VAC14: variants seen among roughly 807,000 people sequenced by gnomAD.
VAC14 encodes protein VAC14 homolog.
VAC14 carries 47 observed loss-of-function variants against 85.3 expected under a neutral mutation model. The ratio of observed to expected loss-of-function variants is 0.55; its 90% CI spans 0.44 to 0.70. VAC14 has a LOEUF of 0.70. Ranked by LOEUF, VAC14 falls within the 30% of genes least tolerant of loss-of-function variation. The pLI is 0.00. For synonymous variants in VAC14, 447 were observed against 430.5 expected (o/e 1.04, Z -0.47); for missense variants, 861 against 1,004.3 (o/e 0.86, Z 1.93).
intron 18 of VAC14, chr16:70,689,168 C>T (rs2053553451): frequency 1.0e-6 from 1 of 976,366 alleles, no homozygotes; most frequent in Non-Finnish European, 1.2e-6. Context: ...GAGCATGTGA[C>T]TGTTTCCTCA....
Position 70,703,211 on chromosome 16 carries a change from G to C in VAC14, c.1662-4400C>G, listed in dbSNP as rs553849218. On this transcript the variant is annotated intron_variant, in intron 14 of 18. Transcript: ENST00000261776. ...CTGGCTCCCAAGCGCAGTGTCAACA[G>C]TGGAGCACAGCTTGCAAGCATTAAA... 2.1e-4 allele frequency among the ~76,000 whole-genome samples: 32 copies of C among 152,384 alleles called. No homozygotes were observed. The South Asian group carries it at 6.4e-3, about 31-fold the overall frequency.
At chr16:70,786,041 G>A (rs976499811) in intron 2 of VAC14, 172 bp from the exon 3 acceptor site, 1 of 1,347,766 alleles carries the variant, frequency 7.4e-7, no homozygotes. Context: ...CCATGCCTAG[G>A]GGACCAGGCT....
At chr16:70,691,312 G>A in intron 18 of VAC14, 1 of 985,442 alleles carries the variant, frequency 1.0e-6, no homozygotes. Flanking sequence ...CAGGGAGACT[G>A]GAGGTCACAG....
At chr16:70,720,103 C>T (rs1038147369) in intron 14 of VAC14, among the ~76,000 whole-genome samples, 4 of 152,164 alleles carry the variant, frequency 2.6e-5, no homozygotes, top group East Asian at 1.9e-4. Flanking sequence ...ACCAGCTGTA[C>T]GGTTCCATTT....
chr16:70,799,591 G>A (rs1368960900), intron 1 of VAC14, among the ~76,000 whole-genome samples: 2 of 152,198 alleles, frequency 1.3e-5, no homozygotes, highest in African/African-American at 4.8e-5. Flanking sequence ...TTGTTACAAC[G>A]GATGGAGTGC....
chr16:70,743,066 TAAACGCACCAATCAGCACTCTGTAA>T (rs2030508063), intron 13 of VAC14, among the ~76,000 whole-genome samples: 2 of 151,606 alleles, frequency 1.3e-5, no homozygotes, highest in Non-Finnish European at 2.9e-5. Flanking sequence ...TAAAGGATTG[TAAACGCACCAATCAGCACTCTGTAA>T]AAACGCACCA....
chr16:70,786,132 G>A, intron 2 of VAC14, 83 bp downstream of exon 2: 5 of 1,558,814 alleles, frequency 3.2e-6, no homozygotes, highest in Non-Finnish European at 4.3e-6. Context: ...GCCCTACTGG[G>A]TCTTGACAGG....
rs140422153 is a variant in VAC14 at position 70,800,155 on chromosome 16, G to A, written c.104+642C>T. 7.5e-3 allele frequency among the ~76,000 whole-genome samples: 1,143 copies of A among 152,186 alleles called. 12 individuals carry two copies. Among genetic ancestry groups the A allele is most frequent in the South Asian group, 0.022 (105 of 4,818 alleles). Reference sequence around the variant, plus strand: ...AAAAAAAATAAATAAAACATCCCCAGTTAAACTTTCGCTGTTTTGTACATT... The same window carrying A: ...AAAAAAAATAAATAAAACATCCCCAATTAAACTTTCGCTGTTTTGTACATT... On this transcript the variant is annotated intron_variant, in intron 1 of 18. Transcript: ENST00000261776.
At chr16:70,723,395 A>G (rs1307608229) in intron 14 of VAC14, among the ~76,000 whole-genome samples, 1 of 151,564 alleles carries the variant, frequency 6.6e-6, no homozygotes, top group Non-Finnish European at 1.5e-5. Context: ...TGCACTCCAC[A>G]TAGCCCAGTG....
At chr16:70,715,530 C>T (rs766423550) in intron 14 of VAC14, 1 of 152,374 alleles carries the variant, frequency 6.6e-6, no homozygotes, top group Non-Finnish European at 1.5e-5. Context: ...CGCCCTGCCG[C>T]CCCCTGGGTG....
chr16:70,726,996 C>T (rs1365651158), intron 14 of VAC14, among the ~76,000 whole-genome samples: 3 of 152,156 alleles, frequency 2.0e-5, no homozygotes, highest in South Asian at 2.1e-4. Flanking sequence ...GAAGAGGAAA[C>T]GCTCCCAGGG....
intron 14 of VAC14, among the ~76,000 whole-genome samples, chr16:70,729,944 G>GC (rs1464421841): frequency 1.3e-5 from 2 of 151,546 alleles, no homozygotes; most frequent in Non-Finnish European, 2.9e-5. Flanking sequence ...TCTTTTTGAT[G>GC]CCCCCAAAGT....
intron 13 of VAC14, among the ~76,000 whole-genome samples, chr16:70,738,763 G>A (rs2029958740): frequency 6.6e-6 from 1 of 152,210 alleles, no homozygotes; most frequent in South Asian, 2.1e-4. Context: ...ACCCTTACTG[G>A]GCACCTGGTG....
chr16:70,707,369 C>T (rs913292379), intron 14 of VAC14, among the ~76,000 whole-genome samples: 2 of 151,994 alleles, frequency 1.3e-5, no homozygotes, highest in Admixed American at 6.6e-5. Context: ...GAGGAGGATG[C>T]GGAACTTGTT....
At chr16:70,688,606 C>A (rs895437268) in intron 18 of VAC14, 3 of 985,614 alleles carry the variant, frequency 3.0e-6, no homozygotes, top group Non-Finnish European at 3.6e-6. Flanking sequence ...CCAAGGCCTG[C>A]AGTCACTCAC....
intron 14 of VAC14, among the ~76,000 whole-genome samples, chr16:70,725,310 T>C (rs2054396023): frequency 6.6e-6 from 1 of 152,134 alleles, no homozygotes; most frequent in African/African-American, 2.4e-5. Flanking sequence ...GCGCCAGTGG[T>C]GCAGACGGCC....
intron 14 of VAC14, among the ~76,000 whole-genome samples, chr16:70,704,690 G>C (rs1364843593): frequency 5.3e-5 from 8 of 152,204 alleles, no homozygotes; most frequent in African/African-American, 1.7e-4. Flanking sequence ...TGGGAGCCTG[G>C]GGAGGGCAGA....
At chr16:70,712,014 G>C (rs1188076118) in intron 14 of VAC14, among the ~76,000 whole-genome samples, 1 of 152,164 alleles carries the variant, frequency 6.6e-6, no homozygotes, top group Non-Finnish European at 1.5e-5. Context: ...ATGGCTGGGA[G>C]GGGGCTCCTT....
chr16:70,790,317 A>G lies in VAC14; in HGVS notation c.105-3952T>C, dbSNP rs531565299. Among the ~76,000 whole-genome samples the G allele has an allele frequency of 1.7e-3, 258 of 152,208 alleles. 3 individuals are homozygous for G. Among genetic ancestry groups the G allele is most frequent in the African/African-American group, 5.8e-3 (242 of 41,528 alleles). ...ATGAGGCTGAACAAAGGCTCAGAGG[A>G]AGGAGGAGCAGGCATTTGGTTTGGC... On this transcript the variant is annotated intron_variant, in intron 1 of 18. Transcript: ENST00000261776.
Sources: allele counts gnomAD v4.1 joint callset (sites outside exome capture counted in the v4.1 genomes callset), GRCh38; gene constraint gnomAD v4.1.1; transcripts MANE v1.5; gene names NCBI Gene and HGNC (gene_info 2026-07-23, HGNC 2026-07-21).